Variants in SP140 observed in about 807,000 individuals in gnomAD.
The protein encoded by SP140 is nuclear body protein SP140.
In SP140, 81 loss-of-function variants were observed where a neutral mutation model predicts 125.0. The observed-to-expected ratio is 0.65, with a 90% CI of 0.54 to 0.78. The LOEUF (loss-of-function observed/expected upper bound fraction) is 0.78, where lower values mean the gene tolerates loss of function less well. Among genes scored for constraint, SP140 ranks in the 30% least tolerant of loss-of-function variants. The pLI is 0.00. For missense variants in SP140, 858 were observed against 1,037.0 expected (o/e 0.83, Z 2.37); for synonymous variants, 312 against 354.0 (o/e 0.88, Z 1.33).
At chr2:230,207,960 C>A in intron 1 of SP140, 1 of 1,131,518 alleles carries the variant, frequency 8.8e-7, no homozygotes, top group Middle Eastern at 2.0e-4. Flanking sequence ...CTGTTTCCAG[C>A]CTCCAGCTTC....
chr2:230,214,685 C>A (rs918292739), intron 3 of SP140, among the ~76,000 whole-genome samples: 2 of 152,142 alleles, frequency 1.3e-5, no homozygotes, highest in African/African-American at 4.8e-5. Flanking sequence ...TATAGATTTT[C>A]CAGTATGCCA....
At chr2:230,265,076 A>G (rs2052864663) in intron 12 of SP140, among the ~76,000 whole-genome samples, 2 of 150,582 alleles carry the variant, frequency 1.3e-5, no homozygotes, top group Non-Finnish European at 1.5e-5. Context: ...GATAAGGAAG[A>G]GCCGTCAGGT....
intron 21 of SP140, among the ~76,000 whole-genome samples, chr2:230,295,189 A>G (rs2057569271): frequency 1.3e-5 from 2 of 152,258 alleles, no homozygotes; most frequent in South Asian, 4.1e-4. Flanking sequence ...GAAGAGAAAA[A>G]TGTCATCCTT....
Position 230,248,026 on chromosome 2 carries a change from A to G in SP140, c.853A>G (p.Lys285Glu), listed in dbSNP as rs1320435119. 6.2e-7 allele frequency: 1 copy of G among 1,613,884 alleles called. No homozygotes were observed. Among genetic ancestry groups the G allele is most frequent in the Non-Finnish European group, 8.5e-7 (1 of 1,179,862 alleles). ...CAGTCCCAGAAAAAGAAACCAAGACAAGGAGAAGTACCAAGAGAGTCCAGA... is the reference window on the plus strand; with the variant it reads ...CAGTCCCAGAAAAAGAAACCAAGACGAGGAGAAGTACCAAGAGAGTCCAGA... ...RNSPRKRNQD[K>E]EKYQESPEGR... Residue 285 changes from lysine (K) to glutamate (E), a missense_variant, in exon 8 of 27, where the codon AAG becomes GAG. By Grantham distance (56) the Lys-to-Glu change is moderately conservative (BLOSUM62 1). Coordinates refer to ENST00000392045, the MANE Select transcript of SP140 (RefSeq NM_007237.5).
chr2:230,296,809 G>T (rs528575827), intron 21 of SP140, among the ~76,000 whole-genome samples: 1 of 152,188 alleles, frequency 6.6e-6, no homozygotes, highest in Non-Finnish European at 1.5e-5. Flanking sequence ...GCCCCTTGAA[G>T]TAAGAGGACA....
At chr2:230,242,260 A>C (rs1013213514) in intron 4 of SP140, among the ~76,000 whole-genome samples, 2 of 106,716 alleles carry the variant, frequency 1.9e-5, no homozygotes, top group African/African-American at 8.4e-5. Flanking sequence ...TAAGAAAAAA[A>C]GGGTGTAAAA....
intron 16 of SP140, 35 bp from the exon 17 acceptor site, chr2:230,285,717 G>A: frequency 2.6e-6 from 4 of 1,551,950 alleles, no homozygotes; most frequent in Non-Finnish European, 3.6e-6. Context: ...GTTCTGCCCA[G>A]TTCTATTAAT....
chr2:230,265,152 G>T (rs888601871), intron 12 of SP140, among the ~76,000 whole-genome samples: 1 of 152,046 alleles, frequency 6.6e-6, no homozygotes, highest in Non-Finnish European at 1.5e-5. Flanking sequence ...AGCTGCTGTG[G>T]GGGATGGGGG....
At chr2:230,225,676 G>A (rs1304687874), upstream of SP140, 3 of 679,550 alleles carry the variant, frequency 4.4e-6, no homozygotes, top group Non-Finnish European at 8.1e-6. Flanking sequence ...TGGAGATTGG[G>A]TGGAGGGAGG....
At chr2:230,293,376 G>T (rs936488243) in intron 20 of SP140, among the ~76,000 whole-genome samples, 1 of 152,128 alleles carries the variant, frequency 6.6e-6, no homozygotes, top group Non-Finnish European at 1.5e-5. Flanking sequence ...TCACTCTGTT[G>T]CCCAAGCAGG....
intron 22 of SP140, 86 bp downstream of exon 22, chr2:230,297,548 G>C (rs1419085718): frequency 6.7e-7 from 1 of 1,487,538 alleles, no homozygotes; most frequent in Non-Finnish European, 9.4e-7. Context: ...GCTGTTGCCT[G>C]AATCATGTTC....
rs1481136295 is a variant in SP140, at chr2:230,237,137, C to T, written c.114C>T (p.Cys38=). ...GTCAGAACCTGCAGGAGCAGGTTTG[C>T]CCTGAGCCCATTTTCAGGTTCTTCA... ...VEGQNLQEQV[C]PEPIFRFFRE... is the part of the protein sequence containing the mutation. The change falls in exon 2 of 27, where the codon TGC becomes TGT. Residue 38 remains cysteine, a synonymous_variant. Transcript: ENST00000392045. This position sits in a 1 kb window ranked among gnomAD's most constrained non-coding sequence, Gnocchi z 5.4. 1 of 1,613,020 alleles carries T rather than the reference C, an allele frequency of 6.2e-7. No homozygotes were observed. Among genetic ancestry groups the T allele is most frequent in the South Asian group, 1.1e-5 (1 of 90,886 alleles).
the SP140 span, among the ~76,000 whole-genome samples, chr2:230,194,639 A>G: frequency 6.6e-6 from 1 of 152,174 alleles, no homozygotes; most frequent in African/African-American, 2.4e-5. Flanking sequence ...GCAAGCAAGC[A>G]TGGGTTGACT....
intron 1 of SP140, among the ~76,000 whole-genome samples, chr2:230,235,632 T>C (rs1264039514): frequency 6.6e-6 from 1 of 152,112 alleles, no homozygotes; most frequent in African/African-American, 2.4e-5. Flanking sequence ...ATCCTGGAAG[T>C]CTTCATACCG....
chr2:230,295,981 A>G (rs2057680578), intron 21 of SP140, among the ~76,000 whole-genome samples: 1 of 152,168 alleles, frequency 6.6e-6, no homozygotes, highest in Non-Finnish European at 1.5e-5. Flanking sequence ...ACTTGAGCCT[A>G]TAATGCCAGC....
Position 230,213,026 on chromosome 2 carries a change from A to C in SP140, c.-322-628A>C. On this transcript the variant is annotated intron_variant, in intron 1 of 4. Transcript: ENST00000456542. ...TGCTCTGCCATTCATAGGAAGCACC[A>C]ACTGGGATTGGTGAAGGGACACACA... 7 of 1,613,900 alleles carry C rather than the reference A, an allele frequency of 4.3e-6. No individual in the cohort carries two copies. Among genetic ancestry groups the C allele is most frequent in the Non-Finnish European group, 5.1e-6 (6 of 1,179,942 alleles).
At chr2:230,267,212 G>A (rs945954566) in intron 12 of SP140, among the ~76,000 whole-genome samples, 1 of 152,128 alleles carries the variant, frequency 6.6e-6, no homozygotes, top group Admixed American at 6.5e-5. Flanking sequence ...TGGTTAGGAG[G>A]TACAGGGAAG....
intron 17 of SP140, among the ~76,000 whole-genome samples, chr2:230,287,398 G>A (rs1002568075): frequency 1.1e-4 from 16 of 152,104 alleles, no homozygotes; most frequent in African/African-American, 3.9e-4. Flanking sequence ...ATTTATTTGT[G>A]TCTCTGCTGA....
At chr2:230,243,888 C>A in intron 5 of SP140, 77 bp downstream of exon 5, 3 of 999,766 alleles carry the variant, frequency 3.0e-6, no homozygotes, top group Non-Finnish European at 3.2e-6. Context: ...TTTCCTAATG[C>A]ATTTTACTCT....
Sources: gnomAD v4.1 joint callset for allele counts (sites outside exome capture counted in the v4.1 genomes callset) on GRCh38, gnomAD v4.1.1 for gene constraint, Gnocchi (gnomAD v3.1) non-coding constraint, MANE v1.5 for transcripts, NCBI Gene and HGNC (gene_info 2026-07-23, HGNC 2026-07-21) for gene names.